BBS9: variants seen among roughly 807,000 people sequenced by gnomAD.
The protein encoded by BBS9 is protein PTHB1.
In BBS9, 89 loss-of-function variants were observed where a neutral mutation model predicts 117.7. The ratio of observed to expected loss-of-function variants is 0.76; its 90% confidence interval spans 0.64 to 0.90. BBS9 has a LOEUF of 0.90. BBS9 is among the 40% of genes least tolerant of loss of function. The probability of loss-of-function intolerance (pLI) is 0.00; values close to 1 mark genes in which losing one functional copy is unlikely to be tolerated. For synonymous variants in BBS9, 379 were observed against 370.9 expected (o/e 1.02, Z -0.25); for missense variants, 982 against 1,042.2 (o/e 0.94, Z 0.80).
chr7:33,601,925 C>T (rs956998407), intron 21 of BBS9, among the ~76,000 whole-genome samples: 3 of 152,140 alleles, frequency 2.0e-5, no homozygotes, highest in Non-Finnish European at 4.4e-5. Context: ...GCTATGGAGC[C>T]CCTAGTGCTT....
downstream of BBS9, among the ~76,000 whole-genome samples, chr7:33,611,041 C>G (rs1425287701): frequency 1.3e-5 from 2 of 152,088 alleles, no homozygotes; most frequent in Non-Finnish European, 2.9e-5. Flanking sequence ...AAGTTCACAG[C>G]AAGCTGTCAG....
chr7:33,492,225 C>CA (rs1296550353), intron 19 of BBS9, among the ~76,000 whole-genome samples: 168 of 91,248 alleles, frequency 1.8e-3, no homozygotes, highest in African/African-American at 5.8e-3. Flanking sequence ...AAAAAAAAAA[C>CA]AAAAAAAAAA....
At chr7:33,629,986 C>T (rs1004401205) in intron 21 of BBS9, among the ~76,000 whole-genome samples, 4 of 152,120 alleles carry the variant, frequency 2.6e-5, no homozygotes, top group African/African-American at 4.8e-5. Flanking sequence ...GTTTATATTT[C>T]GAGACCTTTT....
At chr7:33,390,328 A>C (rs1826841824) in intron 19 of BBS9, 1 of 985,128 alleles carries the variant, frequency 1.0e-6, no homozygotes, top group Admixed American at 6.2e-5. Context: ...TTCGTCTTTT[A>C]TACATTTAAA....
chr7:33,250,218 G>A (rs1304255710), intron 5 of BBS9, among the ~76,000 whole-genome samples: 1 of 152,148 alleles, frequency 6.6e-6, no homozygotes, highest in Admixed American at 6.6e-5. Context: ...GTCTTCTCGT[G>A]TATAAAATGG....
At chr7:33,168,281 T>G (rs1427206248) in intron 4 of BBS9, among the ~76,000 whole-genome samples, 1 of 152,168 alleles carries the variant, frequency 6.6e-6, no homozygotes, top group Non-Finnish European at 1.5e-5. Context: ...GGATCACAGG[T>G]CACCATAAAA....
At chr7:33,452,913 A>G (rs1183922743) in intron 19 of BBS9, among the ~76,000 whole-genome samples, 1 of 152,230 alleles carries the variant, frequency 6.6e-6, no homozygotes, top group Non-Finnish European at 1.5e-5. Flanking sequence ...ATTTATAATC[A>G]AATATAGCAA....
chr7:33,372,854 T>C (rs1823118310), intron 17 of BBS9, among the ~76,000 whole-genome samples: 1 of 152,164 alleles, frequency 6.6e-6, no homozygotes, highest in Admixed American at 6.5e-5. Context: ...TCTGTTCAGA[T>C]TTTCTATTTC....
intron 5 of BBS9, among the ~76,000 whole-genome samples, chr7:33,180,136 C>T (rs1272532732): frequency 6.6e-6 from 1 of 152,014 alleles, no homozygotes; most frequent in Non-Finnish European, 1.5e-5. Context: ...TGCCAAACTG[C>T]TCACCCCGCC....
Position 33,155,009 on chromosome 7 carries a change from C to A in BBS9, c.264-629C>A, listed in dbSNP as rs142863101. ...GATCCTTGAAAACTGAATTTAGGAT[C>A]TCTAGACTGTGCCATGCTAGTTTCT... is the stretch of plus-strand genomic sequence containing the variant. On this transcript the variant is annotated intron_variant, in intron 3 of 22. Coordinates refer to ENST00000242067, the MANE Select transcript of BBS9 (RefSeq NM_198428.3). Among the ~76,000 whole-genome samples, 5 of 152,304 alleles carry A rather than the reference C, an allele frequency of 3.3e-5. No individual in the cohort carries two copies. The East Asian group carries it at 7.7e-4, about 24-fold the overall frequency.
At chr7:33,350,614 C>T (rs564568345) in intron 13 of BBS9, among the ~76,000 whole-genome samples, 6 of 152,242 alleles carry the variant, frequency 3.9e-5, no homozygotes, top group East Asian at 1.9e-4. Context: ...TTTTGTGTAC[C>T]GTTTTCTCTG....
At chr7:33,464,658 G>C (rs1839914288) in intron 19 of BBS9, among the ~76,000 whole-genome samples, 1 of 151,766 alleles carries the variant, frequency 6.6e-6, no homozygotes. Context: ...AATAAAAAGT[G>C]CTAGTGATTT....
intron 19 of BBS9, among the ~76,000 whole-genome samples, chr7:33,414,003 A>G (rs1166605618): frequency 6.6e-6 from 1 of 152,136 alleles, no homozygotes; most frequent in Admixed American, 6.6e-5. Context: ...CAGCCTGGAC[A>G]ATAAAAGCAA....
At position 33,368,603 on chromosome 7, in the gene BBS9, CA is replaced by C. The variant is rs1463317932; in HGVS notation, c.1789+742del. Among the ~76,000 whole-genome samples the C allele has an allele frequency of 5.3e-5, 8 of 151,610 alleles. No homozygotes were observed. In the East Asian group the frequency reaches 7.8e-4, roughly 15 times the overall value. ...ACACACACACACACACACACACACA[CA>C]CACACACACACACCCATACCCCCTT... On this transcript the variant is annotated intron_variant, in intron 17 of 22. Transcript: ENST00000242067.
At chr7:33,247,258 G>A (rs1258906496) in intron 5 of BBS9, among the ~76,000 whole-genome samples, 2 of 152,094 alleles carry the variant, frequency 1.3e-5, no homozygotes, top group African/African-American at 2.4e-5. Context: ...TAGGCAGTAT[G>A]TATTTTAATT....
chr7:33,413,167 T>G, intron 19 of BBS9, among the ~76,000 whole-genome samples: 1 of 152,198 alleles, frequency 6.6e-6, no homozygotes, highest in Non-Finnish European at 1.5e-5. Context: ...ATAGTAAAGG[T>G]GGAGAAGCAG....
At chr7:33,403,696 T>C (rs1487054304) in intron 19 of BBS9, among the ~76,000 whole-genome samples, 2 of 152,100 alleles carry the variant, frequency 1.3e-5, no homozygotes, top group African/African-American at 4.8e-5. Context: ...GTGCCACATT[T>C]TCTTAATCCA....
intron 9 of BBS9, among the ~76,000 whole-genome samples, chr7:33,309,364 C>T (rs372450200): frequency 1.8e-4 from 27 of 147,200 alleles, no homozygotes; most frequent in African/African-American, 4.6e-4. Flanking sequence ...AATTATAACA[C>T]GTTTGACTGG....
At chr7:33,401,202 T>G (rs1828861610) in intron 19 of BBS9, among the ~76,000 whole-genome samples, 1 of 152,228 alleles carries the variant, frequency 6.6e-6, no homozygotes, top group Non-Finnish European at 1.5e-5. Context: ...TGATTCCCAG[T>G]TAGAATGATA....
Sources: allele counts gnomAD v4.1 joint callset (sites outside exome capture counted in the v4.1 genomes callset), GRCh38; gene constraint gnomAD v4.1.1; transcripts MANE v1.5; gene names NCBI Gene and HGNC (gene_info 2026-07-23, HGNC 2026-07-21).